DCDC2B: variants seen among roughly 807,000 people sequenced by gnomAD.
DCDC2B encodes the protein doublecortin domain containing 2B.
Under a neutral mutation model 38.9 loss-of-function variants are expected in DCDC2B, and 41 were observed. The observed-to-expected ratio is 1.05, with a 90% CI of 0.82 to 1.37. DCDC2B has a LOEUF of 1.37. DCDC2B is among the 40% of genes most tolerant of loss of function. The pLI is 0.00. For missense variants in DCDC2B, 453 were observed against 427.2 expected (o/e 1.06, Z -0.53); for synonymous variants, 181 against 171.9 (o/e 1.05, Z -0.41).
chr1:32,212,041 A>G, intron 3 of DCDC2B, 29 bp from the exon 4 acceptor site: 1 of 1,602,268 alleles, frequency 6.2e-7, no homozygotes, highest in Non-Finnish European at 8.5e-7. Flanking sequence ...TCCTGGGGAC[A>G]CTCCCCCTTA....
intron 6 of DCDC2B, 136 bp downstream of exon 6, chr1:32,212,929 A>G: frequency 2.7e-6 from 3 of 1,099,472 alleles, no homozygotes; most frequent in Non-Finnish European, 3.9e-6. Context: ...CTTGCTCTGT[A>G]GTCCAGGCTG....
chr1:32,211,367 C>T, intron 2 of DCDC2B, 44 bp downstream of exon 2: 2 of 1,606,354 alleles, frequency 1.2e-6, no homozygotes, highest in South Asian at 2.2e-5. Flanking sequence ...TGTCTTCCCA[C>T]TCCTCCTGGA....
chr1:32,212,360 G>A (rs930255213), intron 4 of DCDC2B, 130 bp from the exon 5 acceptor site: 66 of 1,523,616 alleles, frequency 4.3e-5, no homozygotes, highest in Non-Finnish European at 5.3e-5. Flanking sequence ...AGCCCTCAGA[G>A]GCAGGGTAGA....
At position 32,212,794 on chromosome 1, in the gene DCDC2B, G is replaced by A. The variant is rs542667788; in HGVS notation, c.714+1G>A. 2 of 1,613,690 alleles carry A rather than the reference G, an allele frequency of 1.2e-6. No individual in the cohort carries two copies. Among genetic ancestry groups the A allele is most frequent in the African/African-American group, 1.3e-5 (1 of 75,056 alleles). The stretch of plus-strand genomic sequence containing the variant: ...GAAGTCTAGGCCCCACAGGCAGGGG[G>A]TAGGTGACGCAGGGGACAATGAGGG... On this transcript the variant is annotated splice_donor_variant, in intron 6 of 8. Transcript: ENST00000409358. LOFTEE classifies it high-confidence loss of function.
Position 32,216,094 on chromosome 1 carries a change from G to A in DCDC2B, c.*197G>A. On this transcript the variant is annotated 3_prime_UTR_variant, in exon 9 of 9. Transcript: ENST00000409358. ...CCTTCCTCTGAGCAGAGCAGCCCTG[G>A]CTGTGGGGGCTATTTCCTTATGGGA... The A allele has an allele frequency of 1.5e-6, 1 of 674,610 alleles. No individual in the cohort carries two copies. Among genetic ancestry groups the A allele is most frequent in the Non-Finnish European group, 2.5e-6 (1 of 402,686 alleles). 41.8% of individuals were successfully genotyped at this position (674,610 alleles called of 1,614,324 possible). A position where few individuals can be genotyped will look rare whatever the true frequency, so the allele number is the denominator to read the frequency against.
At chr1:32,215,713 C>T in intron 8 of DCDC2B, 89 bp from the exon 9 acceptor site, 1 of 1,213,678 alleles carries the variant, frequency 8.2e-7, no homozygotes. Flanking sequence ...CCAGTTTCTT[C>T]CTTCCTTGGG....
At chr1:32,211,138 T>C (rs976738288) in intron 1 of DCDC2B, 134 bp from the exon 2 acceptor site, 129 of 833,528 alleles carry the variant, frequency 1.5e-4, no homozygotes, top group Non-Finnish European at 2.2e-4. Context: ...ATCTTGTTTC[T>C]GGACTGAGAT....
chr1:32,214,987 G>T, intron 7 of DCDC2B, 55 bp downstream of exon 7: 1 of 1,606,694 alleles, frequency 6.2e-7, no homozygotes, highest in Non-Finnish European at 8.5e-7. Flanking sequence ...CAGTGACATA[G>T]GTTGGTCCCT....
intron 3 of DCDC2B, 83 bp downstream of exon 3, chr1:32,211,920 C>A (rs1643601917): frequency 6.5e-7 from 1 of 1,542,414 alleles, no homozygotes; most frequent in Non-Finnish European, 8.8e-7. Context: ...GTTCTAGGAG[C>A]CTCTGGTTAC....
intron 8 of DCDC2B, 49 bp downstream of exon 8, chr1:32,215,592 A>G: frequency 6.4e-7 from 1 of 1,562,008 alleles, no homozygotes; most frequent in South Asian, 1.1e-5. Flanking sequence ...AGGAGCTCTG[A>G]GCTGGAAACT....
chr1:32,211,439 T>C (rs1208722060), intron 2 of DCDC2B, 116 bp downstream of exon 2: 2 of 1,028,646 alleles, frequency 1.9e-6, no homozygotes, highest in African/African-American at 1.6e-5. Flanking sequence ...TCCAGGGGGG[T>C]ACTTTGGAGC....
chr1:32,216,065 C>A lies in DCDC2B; in HGVS notation c.*168C>A. ...CCTGCTCCTAAACCCACAGCCCAGCCTTCCCTTCCTCTGAGCAGAGCAGCC... is the reference window on the plus strand; with the variant it reads ...CCTGCTCCTAAACCCACAGCCCAGCATTCCCTTCCTCTGAGCAGAGCAGCC... On this transcript the variant is annotated 3_prime_UTR_variant, in exon 9 of 9. Transcript: ENST00000409358. 2.8e-6 allele frequency: 2 copies of A among 719,700 alleles called. No homozygotes were observed. Among genetic ancestry groups the A allele is most frequent in the Non-Finnish European group, 4.6e-6 (2 of 433,218 alleles). 44.6% of individuals were successfully genotyped at this position (719,700 alleles called of 1,614,324 possible).
chr1:32,211,882 G>A, intron 3 of DCDC2B, 45 bp downstream of exon 3: 5 of 1,573,188 alleles, frequency 3.2e-6, no homozygotes, highest in Non-Finnish European at 3.5e-6. Flanking sequence ...GTTTGTTTTA[G>A]TAAGGCCAAG....
At position 32,212,560 on chromosome 1, in the gene DCDC2B, G is replaced by A. The variant is rs764515902; in HGVS notation, c.598G>A (p.Val200Ile). ...ELVTGHYYVA[V>I]GEDEFKDLPY... is the part of the protein sequence containing the mutation. ...GGTAACTGGCCATTACTATGTGGCT[G>A]TCGGAGAGGATGAGTTCAAGGACCT... Residue 200 changes from valine (V) to isoleucine (I), a missense_variant, in exon 5 of 9, where the codon GTC (valine) becomes ATC (isoleucine). Transcript: ENST00000409358. 1 of 1,614,058 alleles carries A rather than the reference G, an allele frequency of 6.2e-7. No individual in the cohort carries two copies. Among genetic ancestry groups the A allele is most frequent in the South Asian group, 1.1e-5 (1 of 91,092 alleles).
In DCDC2B at chr1:32,212,157, G is replaced by A; in HGVS notation, c.483G>A (p.Lys161=). The A allele has an allele frequency of 6.2e-7, 1 of 1,613,854 alleles. No individual in the cohort carries two copies. The highest frequency in any genetic ancestry group is 1.7e-5 in the Admixed American group (1 of 60,020). ...AASQDWETVL[K]LLTEKVKLQS... ...GCCAGGACTGGGAAACTGTGTTGAA[G>A]CTCCTGACTGAGAAGGTCAAGTTGC... Residue 161 remains lysine (K), a synonymous_variant, in exon 4 of 9, where the codon AAG becomes AAA. Coordinates refer to ENST00000409358, the MANE Select transcript of DCDC2B (RefSeq NM_001099434.2).
In DCDC2B at chr1:32,215,865, A is replaced by C; in HGVS notation, c.1018A>C (p.Ile340Leu). Residue 340 changes from isoleucine to leucine, a missense_variant, in exon 9 of 9, where the codon ATC becomes CTC. Coordinates refer to ENST00000409358, the MANE Select transcript of DCDC2B (RefSeq NM_001099434.2). The stretch of plus-strand genomic sequence containing the variant: ...AAACCAGCCTGGGGCTGGGGCTGCT[A>C]TCTCAGCCTCAGCCCCAGCTCTGCC... The part of the protein sequence containing the change: ...LENQPGAGAA[I>L]SASAPALPS 2 of 1,552,424 alleles carry C rather than the reference A, an allele frequency of 1.3e-6. No individual in the cohort carries two copies. The highest frequency in any genetic ancestry group is 1.7e-6 in the Non-Finnish European group (2 of 1,147,528).
Position 32,215,833 on chromosome 1 carries a change from C to T in DCDC2B, c.986C>T (p.Ser329Phe). Residue 329 changes from serine to phenylalanine, a missense_variant, in exon 9 of 9, where the codon TCC becomes TTC. Physicochemically the swap from Ser to Phe is radical, Grantham distance 155. Transcript: ENST00000409358. ...GCACAGATAGTGGAAGAGGCCTTGTCCCTGGAAAACCAGCCTGGGGCTGGG... is the reference window on the plus strand; with the variant it reads ...GCACAGATAGTGGAAGAGGCCTTGTTCCTGGAAAACCAGCCTGGGGCTGGG... ...RAAQIVEEAL[S>F]LENQPGAGAA... 6.4e-7 allele frequency: 1 copy of T among 1,553,114 alleles called. No homozygotes were observed. The highest frequency in any genetic ancestry group is 8.7e-7 in the Non-Finnish European group (1 of 1,147,846).
At position 32,212,352 on chromosome 1, in the gene DCDC2B, C is replaced by G; in HGVS notation, c.528-138C>G. On this transcript the variant is annotated intron_variant, in intron 4 of 8. Transcript: ENST00000409358. Reference sequence around the variant, plus strand: ...CACTGGGAGAGGGCCCTCTGCCCAGCCCTCAGAGGCAGGGTAGAGCCTGGG... The same window carrying G: ...CACTGGGAGAGGGCCCTCTGCCCAGGCCTCAGAGGCAGGGTAGAGCCTGGG... 3 of 1,516,170 alleles carry G rather than the reference C, an allele frequency of 2.0e-6. No individual in the cohort carries two copies. The East Asian group carries it at 6.9e-5, about 35-fold the overall frequency. 93.9% of individuals were successfully genotyped at this position (1,516,170 alleles called of 1,614,324 possible). A position where few individuals can be genotyped will look rare whatever the true frequency, so the allele number is the denominator to read the frequency against.
intron 6 of DCDC2B, among the ~76,000 whole-genome samples, chr1:32,213,430 G>C (rs1039238612): frequency 1.3e-5 from 2 of 149,228 alleles, no homozygotes; most frequent in Non-Finnish European, 3.0e-5. Flanking sequence ...TCCACCTTCT[G>C]GGTTCAAGTG....
Sources: allele counts gnomAD v4.1 joint callset (sites outside exome capture counted in the v4.1 genomes callset), GRCh38; gene constraint gnomAD v4.1.1; transcripts MANE v1.5; gene names NCBI Gene and HGNC (gene_info 2026-07-23, HGNC 2026-07-21).